Variants in SIAE observed in about 807,000 individuals in gnomAD.
SIAE encodes sialate O-acetylesterase.
In SIAE, 39 loss-of-function variants were observed where a neutral mutation model predicts 52.6. That is an observed-to-expected ratio of 0.74 (90% CI 0.57 to 0.97). The LOEUF is 0.97. SIAE is among the 50% of genes least tolerant of loss of function. The pLI, the probability that SIAE is intolerant of heterozygous loss-of-function variation, is 0.00. For synonymous variants in SIAE, 233 were observed against 241.4 expected, an observed-to-expected ratio of 0.97 and a Z score of 0.32; for missense variants, 592 against 662.1, an observed-to-expected ratio of 0.89 and a Z score of 1.16.
chr11:124,651,910 A>G (rs2134370006), intron 4 of SIAE, among the ~76,000 whole-genome samples: 1 of 152,296 alleles, frequency 6.6e-6, no homozygotes, highest in Admixed American at 6.5e-5. Context: ...GACAGTAGGT[A>G]GAGGGGAGTG....
chr11:124,673,451 G>A (rs1943403822), intron 1 of SIAE, among the ~76,000 whole-genome samples, 191 bp downstream of exon 1: 1 of 152,208 alleles, frequency 6.6e-6, no homozygotes, highest in Admixed American at 6.5e-5. Flanking sequence ...TGGAGAAAGT[G>A]GAGAGGCCGG....
chr11:124,661,369 G>A (rs919052046), intron 2 of SIAE, among the ~76,000 whole-genome samples: 1 of 152,094 alleles, frequency 6.6e-6, no homozygotes, highest in East Asian at 1.9e-4. Context: ...TGGAGAAACC[G>A]ACACATCAAA....
chr11:124,660,628 C>T lies in SIAE; in HGVS notation c.405G>A (p.Gln135=), dbSNP rs1043398898. The T allele has an allele frequency of 6.2e-7, 1 of 1,613,924 alleles. No homozygotes were observed. Among genetic ancestry groups the T allele is most frequent in the South Asian group, 1.1e-5 (1 of 91,050 alleles). The change falls in exon 3 of 10, where the codon CAG becomes CAA. Residue 135 remains glutamine (Q), a splice_region_variant and synonymous_variant. Transcript: ENST00000263593. ...GQSNMQMTVL[Q]IFNATRELSN... is the part of the protein sequence containing the mutation. ...TTATTGCTGAGACTCTGCAAATTAC[C>T]TGTAACACAGTCATCTGCATGTTAC...
intron 1 of SIAE, among the ~76,000 whole-genome samples, chr11:124,673,179 T>C (rs1373612412): frequency 6.6e-6 from 1 of 152,102 alleles, no homozygotes; most frequent in African/African-American, 2.4e-5. Flanking sequence ...ACGAGTAAAA[T>C]TTAATTCCCC....
chr11:124,672,265 T>G (rs1406351713), intron 1 of SIAE, among the ~76,000 whole-genome samples: 1 of 152,100 alleles, frequency 6.6e-6, no homozygotes, highest in African/African-American at 2.4e-5. Context: ...AAAACAGGAA[T>G]TAGTGTTATG....
chr11:124,654,129 G>C, intron 4 of SIAE: 3 of 757,664 alleles, frequency 4.0e-6, no homozygotes, highest in Non-Finnish European at 3.2e-6. Context: ...GGTGAGCCAA[G>C]ATCACACCAC....
chr11:124,653,593 T>A (rs1943048878), intron 4 of SIAE, among the ~76,000 whole-genome samples: 3 of 151,934 alleles, frequency 2.0e-5, no homozygotes, highest in Admixed American at 2.0e-4. Flanking sequence ...AACATCAAGG[T>A]GAACAAATTG....
chr11:124,647,723 G>A (rs1270176297), intron 6 of SIAE, among the ~76,000 whole-genome samples: 1 of 152,100 alleles, frequency 6.6e-6, no homozygotes, highest in Non-Finnish European at 1.5e-5. Flanking sequence ...GGAATCCTGA[G>A]ACTATTATAT....
chr11:124,661,255 G>A (rs1333669722), intron 2 of SIAE, among the ~76,000 whole-genome samples: 1 of 152,050 alleles, frequency 6.6e-6, no homozygotes, highest in Non-Finnish European at 1.5e-5. Context: ...ACTTCCCCTG[G>A]CTTGACAGTA....
At position 124,645,510 on chromosome 11, in the gene SIAE, AG is replaced by A. The variant is rs2134361240; in HGVS notation, c.966+1854del. On this transcript the variant is annotated intron_variant, in intron 7 of 9. Transcript: ENST00000263593. This position sits in a 1 kb window ranked among gnomAD's most constrained non-coding sequence, Gnocchi z 4.7. Reference sequence around the variant, plus strand: ...GAGACGGGGCTTCTCCATGTTGGTCAGGCTGGTCTCGAACTCCCGACCTCAG... The same window carrying A: ...GAGACGGGGCTTCTCCATGTTGGTCAGCTGGTCTCGAACTCCCGACCTCAG... Among the ~76,000 whole-genome samples the A allele has an allele frequency of 6.6e-6, 1 of 152,196 alleles. No homozygotes were observed. The highest frequency in any genetic ancestry group is 1.5e-5 in the Non-Finnish European group (1 of 68,006).
Position 124,658,602 on chromosome 11 carries a change from T to A in SIAE, c.405+2026A>T, listed in dbSNP as rs188477463. On this transcript the variant is annotated intron_variant, in intron 3 of 9. Coordinates refer to ENST00000263593, the MANE Select transcript of SIAE (RefSeq NM_170601.5). ...CGACAGATGAACATTTAGACTCTTC[T>A]CCATTTATAAACATCTCACTCAGCG... is the stretch of plus-strand genomic sequence containing the variant. Among the ~76,000 whole-genome samples the A allele has an allele frequency of 1.5e-3, 234 of 152,330 alleles. 1 individual carries two copies. Among genetic ancestry groups the A allele is most frequent in the South Asian group, 9.5e-3 (46 of 4,824 alleles).
chr11:124,644,576 G>C (rs989924067), intron 7 of SIAE, among the ~76,000 whole-genome samples: 6 of 152,188 alleles, frequency 3.9e-5, no homozygotes, highest in African/African-American at 1.4e-4. Context: ...ATACAGTGGG[G>C]CGCTAATCCG....
At position 124,635,501 on chromosome 11, in the gene SIAE, T is replaced by A. The variant is rs1466414590; in HGVS notation, c.*1450A>T. The A allele has an allele frequency of 2.0e-5, 3 of 152,162 alleles. No individual in the cohort carries two copies. Among genetic ancestry groups the A allele is most frequent in the Non-Finnish European group, 4.4e-5 (3 of 68,038 alleles). The allele number at this position is 152,162 out of a possible 1,614,324, so 9.4% of individuals were successfully genotyped here. A position where few individuals can be genotyped will look rare whatever the true frequency, so the allele number is the denominator to read the frequency against. On this transcript the variant is annotated 3_prime_UTR_variant, in exon 10 of 10. Transcript: ENST00000263593. ...CCCTACAGAGTATTATAAATTTCAT[T>A]TTCACACAGTAAAAAGTTCCTAAAT...
In SIAE at chr11:124,635,637, CT is replaced by C. The variant is rs761894112; in HGVS notation, c.*1313del. The stretch of plus-strand genomic sequence containing the variant: ...CACTATCTAAACCATATTTTTTACA[CT>C]ACGTAAAATACATTGTATATGTACA... On this transcript the variant is annotated 3_prime_UTR_variant, in exon 10 of 10. Transcript: ENST00000263593. 6.6e-6 allele frequency: 1 copy of C among 152,134 alleles called. No individual in the cohort carries two copies. The highest frequency in any genetic ancestry group is 1.5e-5 in the Non-Finnish European group (1 of 68,036). 9.4% of individuals were successfully genotyped at this position (152,134 alleles called of 1,614,324 possible). A position where few individuals can be genotyped will look rare whatever the true frequency, so the allele number is the denominator to read the frequency against.
At chr11:124,671,409 G>A (rs542778946) in intron 1 of SIAE, among the ~76,000 whole-genome samples, 7 of 152,230 alleles carry the variant, frequency 4.6e-5, no homozygotes, top group African/African-American at 1.7e-4. Flanking sequence ...TGCCCACAGG[G>A]AGCTTCCATT....
intron 1 of SIAE, 30 bp from the exon 2 acceptor site, chr11:124,669,551 C>A (rs1193383070): frequency 6.2e-7 from 1 of 1,602,882 alleles, no homozygotes; most frequent in Admixed American, 1.7e-5. Flanking sequence ...CTGAGGGAAG[C>A]ATCATCGGAG....
At chr11:124,676,121 A>T (rs1190902617), upstream of SIAE, 1 of 152,196 alleles carries the variant, frequency 6.6e-6, no homozygotes, top group African/African-American at 2.4e-5. Flanking sequence ...AAGGTTTATG[A>T]CTGTCAGGAC....
rs778409758 is a variant in SIAE at position 124,673,730 on chromosome 11, G to A, written c.-22C>T. ...CCATGCTTGCAAGGATCTGACCGCCGCCTAGGACTGGGAAAGTGGGTTCCC... is the reference window on the plus strand; with the variant it reads ...CCATGCTTGCAAGGATCTGACCGCCACCTAGGACTGGGAAAGTGGGTTCCC... On this transcript the variant is annotated 5_prime_UTR_variant, in exon 1 of 10. Coordinates refer to ENST00000263593, the MANE Select transcript of SIAE (RefSeq NM_170601.5). The A allele has an allele frequency of 5.0e-6, 8 of 1,611,600 alleles. No individual in the cohort carries two copies. The highest frequency in any genetic ancestry group is 4.0e-5 in the African/African-American group (3 of 74,908).
intron 3 of SIAE, among the ~76,000 whole-genome samples, chr11:124,656,745 C>T (rs1236244342): frequency 1.3e-5 from 2 of 152,114 alleles, no homozygotes; most frequent in Admixed American, 1.3e-4. Flanking sequence ...TTTCTATCCC[C>T]CTGGACTGGC....
Sources: gnomAD v4.1 joint callset for allele counts (sites outside exome capture counted in the v4.1 genomes callset) on GRCh38, gnomAD v4.1.1 for gene constraint, Gnocchi (gnomAD v3.1) non-coding constraint, MANE v1.5 for transcripts, NCBI Gene and HGNC (gene_info 2026-07-23, HGNC 2026-07-21) for gene names.